ENOX1: variants seen among roughly 807,000 people sequenced by gnomAD.
ENOX1 encodes the protein ecto-NOX disulfide-thiol exchanger 1, also known as candidate growth-related and time keeping constitutive hydroquinone (NADH) oxidase.
In ENOX1, 42 loss-of-function variants were observed where a neutral mutation model predicts 82.5. The observed-to-expected ratio is 0.51, with a 90% CI of 0.40 to 0.66. ENOX1 has a LOEUF of 0.66. Ranked by LOEUF, ENOX1 falls within the 30% of genes least tolerant of loss-of-function variation. ENOX1 has a pLI of 0.00. For synonymous variants in ENOX1, 271 were observed against 282.2 expected, an observed-to-expected ratio of 0.96 and a Z score of 0.40; for missense variants, 608 against 811.6, an observed-to-expected ratio of 0.75 and a Z score of 3.05.
At chr13:43,616,941 T>C (rs73477964) in intron 2 of ENOX1, among the ~76,000 whole-genome samples, 1 of 128,622 alleles carries the variant, frequency 7.8e-6, no homozygotes, top group East Asian at 2.3e-4. Flanking sequence ...CACACACACA[T>C]ATACATACAT....
At chr13:43,536,527 C>T (rs9525798) in intron 2 of ENOX1, among the ~76,000 whole-genome samples, 1 of 147,206 alleles carries the variant, frequency 6.8e-6, no homozygotes, top group South Asian at 2.2e-4. Flanking sequence ...ACTTTTTGGA[C>T]TATTTAGGAA....
At chr13:43,653,998 A>G (rs1483250133) in intron 2 of ENOX1, among the ~76,000 whole-genome samples, 1 of 152,232 alleles carries the variant, frequency 6.6e-6, no homozygotes, top group African/African-American at 2.4e-5. Flanking sequence ...TATAGTAAAA[A>G]TATGAGATTT....
intron 1 of ENOX1, among the ~76,000 whole-genome samples, chr13:43,753,257 G>A (rs1448403801): frequency 6.6e-6 from 1 of 151,954 alleles, no homozygotes; most frequent in Non-Finnish European, 1.5e-5. Flanking sequence ...ATCAATTTGG[G>A]AAAAAATGAC....
intron 9 of ENOX1, among the ~76,000 whole-genome samples, chr13:43,344,214 G>A (rs557981939): frequency 4.6e-5 from 7 of 152,288 alleles, no homozygotes; most frequent in African/African-American, 1.4e-4. Flanking sequence ...GCAGGTGAAC[G>A]GTGGCGGCCC....
intron 1 of ENOX1, among the ~76,000 whole-genome samples, chr13:43,684,095 CAAAA>C (rs55919280): frequency 1.9e-5 from 2 of 106,470 alleles, no homozygotes; most frequent in Admixed American, 1.0e-4. Context: ...GACTCTGTCT[CAAAA>C]AAAAAAAAAA....
At chr13:43,315,779 A>G (rs2047443919) in intron 11 of ENOX1, among the ~76,000 whole-genome samples, 1 of 152,194 alleles carries the variant, frequency 6.6e-6, no homozygotes, top group Non-Finnish European at 1.5e-5. Context: ...ATCTTATTAC[A>G]TAAATATTCC....
intron 3 of ENOX1, among the ~76,000 whole-genome samples, chr13:43,455,011 C>A (rs1566264397): frequency 6.6e-6 from 1 of 152,118 alleles, no homozygotes; most frequent in Non-Finnish European, 1.5e-5. Context: ...CCCTATGCCT[C>A]TTTCCTGTGT....
intron 3 of ENOX1, among the ~76,000 whole-genome samples, chr13:43,480,004 T>C (rs865910431): frequency 2.3e-4 from 35 of 152,002 alleles, no homozygotes; most frequent in Middle Eastern, 3.4e-3. Flanking sequence ...GGCGTGATCT[T>C]GGCTCACTGC....
chr13:43,722,188 C>G (rs2088626694), intron 1 of ENOX1, among the ~76,000 whole-genome samples: 1 of 152,180 alleles, frequency 6.6e-6, no homozygotes, highest in Non-Finnish European at 1.5e-5. Flanking sequence ...TAAGTGAAAG[C>G]ATTTTGCAAA....
At chr13:43,466,776 T>A (rs979053270) in intron 3 of ENOX1, among the ~76,000 whole-genome samples, 3 of 152,172 alleles carry the variant, frequency 2.0e-5, no homozygotes, top group African/African-American at 4.8e-5. Context: ...TGAAGTCTTG[T>A]ACCCATTAAC....
Position 43,329,414 on chromosome 13 carries a change from T to C in ENOX1, c.1037-2889A>G, listed in dbSNP as rs533035446. On this transcript the variant is annotated intron_variant, in intron 9 of 16. Transcript: ENST00000690772. ...GGAAGAGGGGTGCGAGGTACCACGATGACTGGAGCTGGTAAGTACATCCCA... is the reference window on the plus strand; with the variant it reads ...GGAAGAGGGGTGCGAGGTACCACGACGACTGGAGCTGGTAAGTACATCCCA... Among the ~76,000 whole-genome samples, 3 of 152,226 alleles carry C rather than the reference T, an allele frequency of 2.0e-5. No homozygotes were observed. In the South Asian group the frequency reaches 6.2e-4, roughly 32 times the overall value.
intron 2 of ENOX1, among the ~76,000 whole-genome samples, chr13:43,633,342 T>C (rs1394532292): frequency 6.6e-6 from 1 of 152,154 alleles, no homozygotes; most frequent in East Asian, 1.9e-4. Context: ...TGCCAGTATC[T>C]ATCATAATGC....
chr13:43,287,719 G>A (rs1054892677), intron 12 of ENOX1, among the ~76,000 whole-genome samples: 2 of 152,132 alleles, frequency 1.3e-5, no homozygotes, highest in Admixed American at 6.5e-5. Context: ...AACATATAAG[G>A]AGGCTTCCTC....
intron 3 of ENOX1, among the ~76,000 whole-genome samples, chr13:43,430,511 G>C (rs1255163755): frequency 6.6e-6 from 1 of 151,726 alleles, no homozygotes; most frequent in Non-Finnish European, 1.5e-5. Flanking sequence ...TCTTGATATG[G>C]GTGTTTTAAA....
chr13:43,431,917 C>G (rs756405412), intron 3 of ENOX1, among the ~76,000 whole-genome samples: 1 of 152,160 alleles, frequency 6.6e-6, no homozygotes, highest in African/African-American at 2.4e-5. Flanking sequence ...TTTACTGGCT[C>G]TCAGATGCTG....
At chr13:43,624,633 T>C (rs548025226) in intron 2 of ENOX1, among the ~76,000 whole-genome samples, 1 of 152,220 alleles carries the variant, frequency 6.6e-6, no homozygotes, top group East Asian at 1.9e-4. Flanking sequence ...TCCAGAACCA[T>C]TTATTTAAAG....
chr13:43,532,402 C>G (rs1477043858), intron 2 of ENOX1, among the ~76,000 whole-genome samples: 1 of 152,076 alleles, frequency 6.6e-6, no homozygotes, highest in Non-Finnish European at 1.5e-5. Context: ...CTAGATGTCC[C>G]TGATAGATCC....
chr13:43,563,236 A>C (rs1237137485), intron 2 of ENOX1, among the ~76,000 whole-genome samples: 1 of 152,182 alleles, frequency 6.6e-6, no homozygotes, highest in Non-Finnish European at 1.5e-5. Context: ...AACAAGAGGA[A>C]TTTTGGAAAG....
At chr13:43,647,355 CA>C (rs986782962) in intron 2 of ENOX1, among the ~76,000 whole-genome samples, 9 of 152,138 alleles carry the variant, frequency 5.9e-5, no homozygotes, top group Admixed American at 2.0e-4. Flanking sequence ...GCTACCACTA[CA>C]ACTGCTTTGA....
Sources: gnomAD v4.1 joint callset for allele counts (sites outside exome capture counted in the v4.1 genomes callset) on GRCh38, gnomAD v4.1.1 for gene constraint, MANE v1.5 for transcripts, NCBI Gene and HGNC (gene_info 2026-07-23, HGNC 2026-07-21) for gene names.